LSAMP: variants seen among roughly 807,000 people sequenced by gnomAD.
The protein encoded by LSAMP is limbic system associated membrane protein.
LSAMP carries 7 observed loss-of-function variants against 38.6 expected under a neutral mutation model. That is an observed-to-expected ratio of 0.18 (90% CI 0.10 to 0.34). The LOEUF (loss-of-function observed/expected upper bound fraction) is 0.34, where lower values mean the gene tolerates loss of function less well. LSAMP is among the 10% of genes least tolerant of loss of function. The probability of loss-of-function intolerance (pLI) is 1.00; values close to 1 mark genes in which losing one functional copy is unlikely to be tolerated. For synonymous variants in LSAMP, 154 were observed against 166.8 expected (o/e 0.92, Z 0.59); for missense variants, 313 against 420.0 (o/e 0.75, Z 2.23).
intron 1 of LSAMP, among the ~76,000 whole-genome samples, chr3:116,263,853 T>C (rs1455063161): frequency 2.0e-5 from 3 of 152,194 alleles, no homozygotes; most frequent in Non-Finnish European, 4.4e-5. Context: ...AGCATAGTTT[T>C]AAGGCCAAGA....
At chr3:115,947,347 T>A (rs552207574) in intron 3 of LSAMP, among the ~76,000 whole-genome samples, 2 of 152,278 alleles carry the variant, frequency 1.3e-5, no homozygotes, top group Admixed American at 1.3e-4. Flanking sequence ...AAGGAAGAAC[T>A]AAAACTCCCA....
At chr3:115,949,813 C>T (rs1031415342) in intron 3 of LSAMP, among the ~76,000 whole-genome samples, 16 of 151,070 alleles carry the variant, frequency 1.1e-4, no homozygotes, top group African/African-American at 3.1e-4. Flanking sequence ...AGATCAGTAT[C>T]GCTGATGAAC....
chr3:116,034,674 A>G (rs939086443), intron 2 of LSAMP, among the ~76,000 whole-genome samples: 7 of 152,106 alleles, frequency 4.6e-5, no homozygotes, highest in African/African-American at 1.7e-4. Context: ...ATGCTTTTTC[A>G]TTAATTATAC....
rs868455351 is a variant in LSAMP at position 115,854,291 on chromosome 3, T to A, written c.515-1674A>T. On this transcript the variant is annotated intron_variant, in intron 3 of 6. Coordinates refer to ENST00000490035, the MANE Select transcript of LSAMP (RefSeq NM_002338.5). ...TATTATTATTATTATTATTTTTTTT[T>A]TTTTTTTTTGAGATGGAGTCCCGCT... Among the ~76,000 whole-genome samples, 1,193 of 137,874 alleles carry A rather than the reference T, an allele frequency of 8.7e-3. 10 individuals carry two copies. The highest frequency in any genetic ancestry group is 0.026 in the Middle Eastern group (7 of 270). 90.5% of individuals were successfully genotyped at this position (137,874 alleles called of 152,430 possible). A position where few individuals can be genotyped will look rare whatever the true frequency, so the allele number is the denominator to read the frequency against.
At chr3:116,064,651 T>C (rs1056671378) in intron 2 of LSAMP, among the ~76,000 whole-genome samples, 19 of 152,104 alleles carry the variant, frequency 1.2e-4, no homozygotes, top group Admixed American at 2.0e-4. Flanking sequence ...TAATACCTAA[T>C]AAAAAATTGA....
chr3:116,192,966 A>G (rs528203184), intron 1 of LSAMP, among the ~76,000 whole-genome samples: 1 of 152,332 alleles, frequency 6.6e-6, no homozygotes, highest in Admixed American at 6.5e-5. Context: ...AGACAATTTT[A>G]TAGTGCTTTG....
At chr3:116,108,336 A>T (rs1454076999) in intron 1 of LSAMP, among the ~76,000 whole-genome samples, 1 of 152,136 alleles carries the variant, frequency 6.6e-6, no homozygotes, top group African/African-American at 2.4e-5. Flanking sequence ...GGAGTGCTTA[A>T]AAGAGTACTG....
chr3:115,933,612 A>G (rs984634222), intron 3 of LSAMP, among the ~76,000 whole-genome samples: 3 of 152,216 alleles, frequency 2.0e-5, no homozygotes, highest in African/African-American at 7.2e-5. Context: ...AGCTCAGAAC[A>G]TCCTGTTGTT....
At chr3:115,928,236 C>G (rs993049428) in intron 3 of LSAMP, among the ~76,000 whole-genome samples, 1 of 151,772 alleles carries the variant, frequency 6.6e-6, no homozygotes, top group African/African-American at 2.4e-5. Context: ...TTAGCTTCCC[C>G]TTTCCCCCTT....
At chr3:116,033,976 T>C (rs148897059) in intron 2 of LSAMP, among the ~76,000 whole-genome samples, 1 of 152,166 alleles carries the variant, frequency 6.6e-6, no homozygotes, top group African/African-American at 2.4e-5. Context: ...TTCCATAGGG[T>C]CTGGGCTGGA....
At chr3:116,406,524 G>GT (rs1194100937) in intron 1 of LSAMP, among the ~76,000 whole-genome samples, 1 of 151,822 alleles carries the variant, frequency 6.6e-6, no homozygotes, top group Non-Finnish European at 1.5e-5. Context: ...TTTGCTTCCT[G>GT]CCTTTTTTAT....
chr3:116,123,806 C>T (rs568043606), intron 1 of LSAMP, among the ~76,000 whole-genome samples: 13 of 152,136 alleles, frequency 8.5e-5, no homozygotes, highest in Admixed American at 7.2e-4. Context: ...TGATGCTGTA[C>T]GATGTCCCAT....
rs112037815 is a variant in LSAMP at position 116,314,978 on chromosome 3, C to T, written c.155+129899G>A. 1.5e-3 allele frequency among the ~76,000 whole-genome samples: 232 copies of T among 152,246 alleles called. 1 individual carries two copies. Among genetic ancestry groups the T allele is most frequent in the African/African-American group, 5.3e-3 (221 of 41,538 alleles). On this transcript the variant is annotated intron_variant, in intron 1 of 6. Transcript: ENST00000490035. ...ATTGGCCCTGAAATAGAATGACCCT[C>T]AATTTCAAAACAGAATGTCCCTTCA...
chr3:116,194,414 A>T (rs1168851757), intron 1 of LSAMP, among the ~76,000 whole-genome samples: 2 of 151,310 alleles, frequency 1.3e-5, no homozygotes, highest in African/African-American at 2.4e-5. Context: ...TGTTTGTTTG[A>T]GTCAGAGTCT....
At chr3:116,107,647 G>A (rs910808296) in intron 1 of LSAMP, among the ~76,000 whole-genome samples, 1 of 152,124 alleles carries the variant, frequency 6.6e-6, no homozygotes, top group Non-Finnish European at 1.5e-5. Context: ...AATGAAATTT[G>A]GGCTTGACTG....
chr3:116,321,643 G>T lies in LSAMP; in HGVS notation c.155+123234C>A, dbSNP rs536725700. ...GTGATGAAACCTGGGTTCAAATTTAGGTACTTTACCTTTCACTCTTTCTAT... is the reference window on the plus strand; with the variant it reads ...GTGATGAAACCTGGGTTCAAATTTATGTACTTTACCTTTCACTCTTTCTAT... On this transcript the variant is annotated intron_variant, in intron 1 of 6. Coordinates refer to ENST00000490035, the MANE Select transcript of LSAMP (RefSeq NM_002338.5). Among the ~76,000 whole-genome samples, 7 of 152,192 alleles carry T rather than the reference G, an allele frequency of 4.6e-5. No homozygotes were observed. In the East Asian group the frequency reaches 1.4e-3, roughly 29 times the overall value.
intron 1 of LSAMP, among the ~76,000 whole-genome samples, chr3:116,383,048 T>A (rs946366254): frequency 2.0e-5 from 3 of 152,126 alleles, no homozygotes; most frequent in Admixed American, 2.0e-4. Context: ...TGTTGTAAAC[T>A]GAGATAAAAA....
chr3:116,166,737 A>C (rs1047255368), intron 1 of LSAMP, among the ~76,000 whole-genome samples: 5 of 152,078 alleles, frequency 3.3e-5, no homozygotes, highest in African/African-American at 7.2e-5. Context: ...CACATCATCA[A>C]ACCTATCCAG....
intron 1 of LSAMP, among the ~76,000 whole-genome samples, chr3:116,251,659 GA>G (rs1158510075): frequency 6.6e-6 from 1 of 152,234 alleles, no homozygotes; most frequent in Non-Finnish European, 1.5e-5. Flanking sequence ...CCATTCCTCA[GA>G]AGGGATTACT....
Sources: gnomAD v4.1 joint callset for allele counts (sites outside exome capture counted in the v4.1 genomes callset) on GRCh38, gnomAD v4.1.1 for gene constraint, MANE v1.5 for transcripts, NCBI Gene and HGNC (gene_info 2026-07-23, HGNC 2026-07-21) for gene names.